The following C8orf34 variants were observed in gnomAD, a reference collection of about 807,000 sequenced individuals.
C8orf34 encodes uncharacterized protein C8orf34.
A neutral mutation model predicts 68.3 loss-of-function variants in C8orf34; 65 were observed. That is an observed-to-expected ratio of 0.95 (90% CI 0.78 to 1.17). The LOEUF (loss-of-function observed/expected upper bound fraction) is 1.17, where lower values mean the gene tolerates loss of function less well. C8orf34 is among the 50% of genes most tolerant of loss of function. The pLI is 0.00. For synonymous variants in C8orf34, 244 were observed against 241.2 expected (o/e 1.01, Z -0.11); for missense variants, 664 against 655.4 (o/e 1.01, Z -0.14).
intron 2 of C8orf34, 28 bp from the exon 3 acceptor site, chr8:68,446,301 C>A: frequency 1.3e-6 from 2 of 1,545,084 alleles, no homozygotes; most frequent in Non-Finnish European, 1.7e-6. Flanking sequence ...CACTTTGTTG[C>A]CATTTTATAT....
At chr8:68,441,137 C>T (rs1190920336) in intron 2 of C8orf34, among the ~76,000 whole-genome samples, 1 of 152,054 alleles carries the variant, frequency 6.6e-6, no homozygotes, top group Non-Finnish European at 1.5e-5. Context: ...CATTAAGTAC[C>T]TCAGTGTTTA....
intron 10 of C8orf34, among the ~76,000 whole-genome samples, chr8:68,736,191 C>T (rs1006287648): frequency 1.3e-5 from 2 of 152,096 alleles, no homozygotes; most frequent in Admixed American, 6.6e-5. Context: ...GTCAAATGGT[C>T]GACTTTTGAT....
intron 7 of C8orf34, among the ~76,000 whole-genome samples, chr8:68,607,776 G>T (rs1817898064): frequency 6.6e-6 from 1 of 152,012 alleles, no homozygotes; most frequent in Non-Finnish European, 1.5e-5. Flanking sequence ...TTTCTTACCC[G>T]CTGCTTTTGT....
chr8:68,691,544 T>A (rs1373100022), intron 8 of C8orf34, among the ~76,000 whole-genome samples: 1 of 152,140 alleles, frequency 6.6e-6, no homozygotes, highest in African/African-American at 2.4e-5. Context: ...AAATATCTTT[T>A]TTCTAACTAT....
intron 5 of C8orf34, among the ~76,000 whole-genome samples, chr8:68,517,158 A>G (rs1253161520): frequency 2.0e-5 from 3 of 152,156 alleles, no homozygotes; most frequent in Non-Finnish European, 2.9e-5. Context: ...TACTTTTGCC[A>G]TGGATTGCTG....
chr8:68,496,320 A>G (rs1444355526), intron 5 of C8orf34, among the ~76,000 whole-genome samples: 1 of 152,210 alleles, frequency 6.6e-6, no homozygotes, highest in Non-Finnish European at 1.5e-5. Context: ...TAACAACCCC[A>G]TGAGAAAGCT....
chr8:68,561,483 G>A (rs1036078692), intron 7 of C8orf34, among the ~76,000 whole-genome samples: 3 of 152,014 alleles, frequency 2.0e-5, no homozygotes, highest in Non-Finnish European at 2.9e-5. Flanking sequence ...AAGTCCGGGC[G>A]CAGCAGCTCA....
At chr8:68,796,834 T>C (rs1299666809) in intron 12 of C8orf34, among the ~76,000 whole-genome samples, 1 of 149,698 alleles carries the variant, frequency 6.7e-6, no homozygotes, top group Non-Finnish European at 1.5e-5. Flanking sequence ...TTTTTTTTTT[T>C]TTTTTTTTTT....
chr8:68,637,302 T>C (rs576708489), intron 7 of C8orf34, among the ~76,000 whole-genome samples: 1 of 152,230 alleles, frequency 6.6e-6, no homozygotes, highest in East Asian at 1.9e-4. Flanking sequence ...TTTGGTTGTT[T>C]GTATAAACAA....
chr8:68,694,358 G>A (rs56288415), intron 8 of C8orf34, among the ~76,000 whole-genome samples: 11,508 of 152,044 alleles, frequency 0.076, 644 homozygotes, highest in African/African-American at 0.16. Flanking sequence ...AAGAGTGTTT[G>A]CTTTATATGC....
Position 68,436,321 on chromosome 8 carries a change from T to C in C8orf34, c.328-3178T>C, listed in dbSNP as rs188137068. ...CTGCATGTTGTTTATATTAATTTTATTGATATAAGTATGAACTAAATCTCC... is the reference window on the plus strand; with the variant it reads ...CTGCATGTTGTTTATATTAATTTTACTGATATAAGTATGAACTAAATCTCC... On this transcript the variant is annotated intron_variant, in intron 1 of 13. Coordinates refer to ENST00000518698, the MANE Select transcript of C8orf34 (RefSeq NM_052958.4). Among the ~76,000 whole-genome samples, 7 of 152,348 alleles carry C rather than the reference T, an allele frequency of 4.6e-5. No individual in the cohort carries two copies. The East Asian group carries it at 1.3e-3, about 29-fold the overall frequency.
intron 7 of C8orf34, among the ~76,000 whole-genome samples, chr8:68,597,438 A>T (rs1157262949): frequency 6.6e-6 from 1 of 152,114 alleles, no homozygotes; most frequent in African/African-American, 2.4e-5. Flanking sequence ...GTGTTTTTTT[A>T]GAAAAGTGTT....
chr8:68,464,827 G>C (rs1280550893), intron 3 of C8orf34, among the ~76,000 whole-genome samples: 1 of 152,030 alleles, frequency 6.6e-6, no homozygotes, highest in Non-Finnish European at 1.5e-5. Context: ...TTAAATGTTA[G>C]ACCTAAAACC....
intron 8 of C8orf34, among the ~76,000 whole-genome samples, chr8:68,698,600 A>T (rs1820902336): frequency 6.6e-6 from 1 of 152,102 alleles, no homozygotes; most frequent in Non-Finnish European, 1.5e-5. Flanking sequence ...GGGATCTATG[A>T]TTAAAAGAAG....
intron 7 of C8orf34, among the ~76,000 whole-genome samples, chr8:68,545,294 G>A (rs1815837831): frequency 6.6e-6 from 1 of 152,076 alleles, no homozygotes; most frequent in Non-Finnish European, 1.5e-5. Context: ...CACCATGTAA[G>A]ACATGTATTT....
chr8:68,510,015 G>A (rs1426146118), intron 5 of C8orf34, among the ~76,000 whole-genome samples: 1 of 152,114 alleles, frequency 6.6e-6, no homozygotes, highest in African/African-American at 2.4e-5. Flanking sequence ...GCTTGGGCTT[G>A]GCTTAATTGG....
At chr8:68,331,616 G>C (rs1585925099) in intron 1 of C8orf34, 1 of 482,306 alleles carries the variant, frequency 2.1e-6, no homozygotes, top group African/African-American at 1.9e-5. Context: ...CCCTCTGACT[G>C]TCCTGCACCT....
At chr8:68,574,836 T>C (rs1586395259) in intron 7 of C8orf34, among the ~76,000 whole-genome samples, 1 of 152,082 alleles carries the variant, frequency 6.6e-6, no homozygotes, top group East Asian at 1.9e-4. Flanking sequence ...TTAGTCCACA[T>C]TGGAAGATTT....
chr8:68,490,242 T>C (rs1813254317), intron 5 of C8orf34, among the ~76,000 whole-genome samples: 1 of 152,220 alleles, frequency 6.6e-6, no homozygotes, highest in Admixed American at 6.5e-5. Context: ...CTCTTTCTAA[T>C]ACATTCTGCA....
Sources: allele counts gnomAD v4.1 joint callset (sites outside exome capture counted in the v4.1 genomes callset), GRCh38; gene constraint gnomAD v4.1.1; transcripts MANE v1.5; gene names NCBI Gene and HGNC (gene_info 2026-07-23, HGNC 2026-07-21).